The following RORB variants were observed in gnomAD, a reference collection of about 807,000 sequenced individuals.
The protein encoded by RORB is RAR related orphan receptor B.
In RORB, 6 loss-of-function variants were observed where a neutral mutation model predicts 59.1. That is an observed-to-expected ratio of 0.10 (90% CI 0.06 to 0.20). The LOEUF (loss-of-function observed/expected upper bound fraction) is 0.20, where lower values mean the gene tolerates loss of function less well. Among genes scored for constraint, RORB ranks in the 10% least tolerant of loss-of-function variants. RORB has a pLI of 1.00. For synonymous variants in RORB, 215 were observed against 204.5 expected (o/e 1.05, Z -0.44); for missense variants, 320 against 560.5 (o/e 0.57, Z 4.33).
At chr9:74,603,963 G>A in intron 1 of RORB, among the ~76,000 whole-genome samples, 1 of 152,210 alleles carries the variant, frequency 6.6e-6, no homozygotes, top group Admixed American at 6.5e-5. Flanking sequence ...AAGGAAAGAG[G>A]AGAGAGTTTA....
intron 1 of RORB, among the ~76,000 whole-genome samples, chr9:74,570,432 A>C (rs1397808125): frequency 2.0e-5 from 3 of 152,134 alleles, no homozygotes; most frequent in South Asian, 2.1e-4. Context: ...TTGGTCTTAC[A>C]ATCACAATAT....
At chr9:74,660,540 T>C in intron 4 of RORB, 77 bp from the exon 5 acceptor site, 3 of 1,375,866 alleles carry the variant, frequency 2.2e-6, no homozygotes, top group Non-Finnish European at 3.0e-6. Flanking sequence ...AAAGGCATTC[T>C]TATAGTAAAC....
intron 1 of RORB, 25 bp from the exon 2 acceptor site, chr9:74,630,257 C>G (rs1196860919): frequency 6.2e-7 from 1 of 1,608,976 alleles, no homozygotes; most frequent in African/African-American, 1.3e-5. Flanking sequence ...TCTGTATGCT[C>G]AAAATGTCTG....
Position 74,515,568 on chromosome 9 carries a change from T to C in RORB, c.7+17585T>C, listed in dbSNP as rs567623258. On this transcript the variant is annotated intron_variant, in intron 1 of 9. Coordinates refer to ENST00000376896, the MANE Select transcript of RORB (RefSeq NM_006914.4). ...TTTACACATAACTTTTGAAGATTCCTCCAAGAATCTAAAATAGCTGAGTCT... is the reference window on the plus strand; with the variant it reads ...TTTACACATAACTTTTGAAGATTCCCCCAAGAATCTAAAATAGCTGAGTCT... 3.9e-5 allele frequency among the ~76,000 whole-genome samples: 6 copies of C among 152,142 alleles called. No individual in the cohort carries two copies. The South Asian group carries it at 1.2e-3, about 32-fold the overall frequency.
intron 1 of RORB, among the ~76,000 whole-genome samples, chr9:74,511,149 G>A (rs1825931937): frequency 6.6e-6 from 1 of 152,186 alleles, no homozygotes; most frequent in East Asian, 1.9e-4. Context: ...TGTATTCACT[G>A]TGTATACTAT....
At chr9:74,636,249 A>G (rs776223078) in intron 3 of RORB, among the ~76,000 whole-genome samples, 1 of 152,176 alleles carries the variant, frequency 6.6e-6, no homozygotes, top group Non-Finnish European at 1.5e-5. Context: ...CATTTCTACC[A>G]TGTGGCAGTA....
intron 3 of RORB, among the ~76,000 whole-genome samples, chr9:74,635,138 A>T (rs560877590): frequency 9.2e-5 from 14 of 152,320 alleles, no homozygotes; most frequent in Admixed American, 3.9e-4. Flanking sequence ...AACCAGGACC[A>T]CATCTGAGTA....
chr9:74,517,219 T>C (rs1826022552), intron 1 of RORB, among the ~76,000 whole-genome samples: 2 of 152,046 alleles, frequency 1.3e-5, no homozygotes, highest in South Asian at 4.1e-4. Context: ...TCTCTCATCA[T>C]TTTTTTCTTA....
intron 3 of RORB, among the ~76,000 whole-genome samples, chr9:74,635,899 T>A (rs1823693112): frequency 6.6e-6 from 1 of 150,726 alleles, no homozygotes; most frequent in Non-Finnish European, 1.5e-5. Context: ...TTTTCTCTAA[T>A]TCCCAATCCA....
intron 1 of RORB, among the ~76,000 whole-genome samples, chr9:74,524,467 T>C (rs765515441): frequency 4.6e-5 from 7 of 151,942 alleles, no homozygotes; most frequent in Non-Finnish European, 8.8e-5. Context: ...GCTGAAAAGC[T>C]AATTACCTTT....
In RORB at chr9:74,690,773, G is replaced by A. The variant is rs540575450; in HGVS notation, c.*5155G>A. ...TAACAGGAGGTCAGTTTAAAAAATAGCAAACAGTCTAAAAATGAAAACTAT... is the reference window on the plus strand; with the variant it reads ...TAACAGGAGGTCAGTTTAAAAAATAACAAACAGTCTAAAAATGAAAACTAT... On this transcript the variant is annotated 3_prime_UTR_variant, in exon 10 of 10. Coordinates refer to ENST00000376896, the MANE Select transcript of RORB (RefSeq NM_006914.4). 5 of 152,250 alleles carry A rather than the reference G, an allele frequency of 3.3e-5. No individual in the cohort carries two copies. The South Asian group carries it at 8.3e-4, about 25-fold the overall frequency. 9.4% of individuals were successfully genotyped at this position (152,250 alleles called of 1,614,324 possible).
chr9:74,663,262 C>CATA (rs945375966), intron 6 of RORB, among the ~76,000 whole-genome samples: 2 of 151,704 alleles, frequency 1.3e-5, no homozygotes, highest in African/African-American at 2.4e-5. Flanking sequence ...GGTCCTAGGC[C>CATA]ATAATAATAA....
At chr9:74,628,095 A>T (rs561793244) in intron 1 of RORB, among the ~76,000 whole-genome samples, 1 of 152,348 alleles carries the variant, frequency 6.6e-6, no homozygotes, top group African/African-American at 2.4e-5. Context: ...CAGATATTTT[A>T]TCTTGGCCGT....
At chr9:74,560,771 T>C (rs1822385686) in intron 1 of RORB, among the ~76,000 whole-genome samples, 1 of 152,082 alleles carries the variant, frequency 6.6e-6, no homozygotes, top group Non-Finnish European at 1.5e-5. Flanking sequence ...TTATTTGTAG[T>C]TTCATAATTA....
In RORB at chr9:74,691,943, A is replaced by G. The variant is rs1321149631; in HGVS notation, c.*6325A>G. The G allele has an allele frequency of 6.6e-6, 1 of 152,192 alleles. No homozygotes were observed. Among genetic ancestry groups the G allele is most frequent in the South Asian group, 2.1e-4 (1 of 4,830 alleles). 9.4% of individuals were successfully genotyped at this position (152,192 alleles called of 1,614,324 possible). A position where few individuals can be genotyped will look rare whatever the true frequency, so the allele number is the denominator to read the frequency against. On this transcript the variant is annotated 3_prime_UTR_variant, in exon 10 of 10. Coordinates refer to ENST00000376896, the MANE Select transcript of RORB (RefSeq NM_006914.4). Reference sequence around the variant, plus strand: ...ACTCCATCTATAACTAGAAAATACGAAAAAGGAAAATTAAAAAAAAAAGTT... The same window carrying G: ...ACTCCATCTATAACTAGAAAATACGGAAAAGGAAAATTAAAAAAAAAAGTT...
chr9:74,569,397 T>A (rs1293563985), intron 1 of RORB, among the ~76,000 whole-genome samples: 1 of 152,114 alleles, frequency 6.6e-6, no homozygotes, highest in African/African-American at 2.4e-5. Flanking sequence ...CATAGGCAGG[T>A]TTATTTATAA....
At chr9:74,679,966 G>T (rs906163254) in intron 9 of RORB, among the ~76,000 whole-genome samples, 2 of 152,070 alleles carry the variant, frequency 1.3e-5, no homozygotes, top group African/African-American at 2.4e-5. Flanking sequence ...AACTTGGCAT[G>T]GTGGTGCGCA....
Position 74,642,795 on chromosome 9 carries a change from G to C in RORB, c.617G>C (p.Gly206Ala), listed in dbSNP as rs767614180. 1.4e-5 allele frequency: 23 copies of C among 1,595,062 alleles called. No homozygotes were observed. Among genetic ancestry groups the C allele is most frequent in the Non-Finnish European group, 2.0e-5 (23 of 1,167,436 alleles). Residue 206 changes from glycine to alanine, a missense_variant, in exon 4 of 10, where the codon GGG (glycine) becomes GCG (alanine). Physicochemically the swap from Gly to Ala is moderately conservative, Grantham distance 60 (BLOSUM62 0). Transcript: ENST00000376896. ...TTCAACAATGGGCAGTTAGCACCAG[G>C]GATAACCATGACTGAAATCGGTAAG... ...SSFNNGQLAPGITMTEIDRIA... is the reference protein window; with the variant it reads ...SSFNNGQLAPAITMTEIDRIA...
intron 1 of RORB, among the ~76,000 whole-genome samples, chr9:74,535,087 A>G (rs1826300877): frequency 6.6e-6 from 1 of 152,126 alleles, no homozygotes. Flanking sequence ...GCCCTGGAGA[A>G]CAAGGTGAAA....
Sources: allele counts gnomAD v4.1 joint callset (sites outside exome capture counted in the v4.1 genomes callset), GRCh38; gene constraint gnomAD v4.1.1; transcripts MANE v1.5; gene names NCBI Gene and HGNC (gene_info 2026-07-23, HGNC 2026-07-21).